The following BCL7A variants were observed in gnomAD, a reference collection of about 807,000 sequenced individuals.
BCL7A encodes the protein B-cell CLL/lymphoma 7 protein family member A.
BCL7A carries 11 observed loss-of-function variants against 28.4 expected under a neutral mutation model. That is an observed-to-expected ratio of 0.39 (90% CI 0.24 to 0.64). BCL7A has a LOEUF of 0.64. Among genes scored for constraint, BCL7A ranks in the 30% least tolerant of loss-of-function variants. The pLI, the probability that BCL7A is intolerant of heterozygous loss-of-function variation, is 0.50. For synonymous variants in BCL7A, 123 were observed against 103.3 expected (o/e 1.19, Z -1.15); for missense variants, 222 against 274.8 (o/e 0.81, Z 1.36).
chr12:122,024,816 A>G (rs1883579602), intron 1 of BCL7A, among the ~76,000 whole-genome samples: 1 of 152,198 alleles, frequency 6.6e-6, no homozygotes, highest in Non-Finnish European at 1.5e-5. Context: ...TCTGAAATGC[A>G]AATTTAACAG....
chr12:122,058,725 G>T (rs1251861166), intron 5 of BCL7A, among the ~76,000 whole-genome samples: 1 of 152,166 alleles, frequency 6.6e-6, no homozygotes. Context: ...CCCTAGCAAT[G>T]AATCATAGAT....
intron 4 of BCL7A, among the ~76,000 whole-genome samples, chr12:122,050,306 G>C (rs549966122): frequency 1.3e-3 from 71 of 56,762 alleles, no homozygotes; most frequent in South Asian, 3.4e-3. Flanking sequence ...TGTGGGGGGG[G>C]GGCCATCCTG....
intron 1 of BCL7A, among the ~76,000 whole-genome samples, chr12:122,026,953 G>T (rs1245421152): frequency 6.6e-6 from 1 of 152,210 alleles, no homozygotes; most frequent in Non-Finnish European, 1.5e-5. Context: ...TATTCCTACT[G>T]CTGGGACCTC....
rs772389192 is a variant in BCL7A, at chr12:122,043,916, A to G, written c.302A>G (p.Asp101Gly). The G allele has an allele frequency of 6.2e-7, 1 of 1,613,804 alleles. No individual in the cohort carries two copies. Among genetic ancestry groups the G allele is most frequent in the Non-Finnish European group, 8.5e-7 (1 of 1,179,976 alleles). ...AACAGCAACCAGAGCTCCATCGCAG[A>G]TGCCTCCCCCATCAAACAGGAGAAC... is the stretch of plus-strand genomic sequence containing the variant. ...DDNSNQSSIADASPIKQENSS... is the reference protein window; with the variant it reads ...DDNSNQSSIAGASPIKQENSS... The change falls in exon 4 of 6, where the codon GAT becomes GGT. Residue 101 changes from aspartate to glycine, a missense_variant. Transcript: ENST00000261822.
chr12:122,038,404 C>T (rs1042489592), intron 3 of BCL7A, among the ~76,000 whole-genome samples: 1 of 128,394 alleles, frequency 7.8e-6, no homozygotes, highest in Non-Finnish European at 1.5e-5. Context: ...TGCACTCCAG[C>T]CTGGGCAAAG....
In BCL7A at chr12:122,029,958, G is replaced by C. The variant is rs1050613046; in HGVS notation, c.93-742G>C. Among the ~76,000 whole-genome samples the C allele has an allele frequency of 1.3e-5, 2 of 152,168 alleles. No homozygotes were observed. Among genetic ancestry groups the C allele is most frequent in the African/African-American group, 4.8e-5 (2 of 41,426 alleles). On this transcript the variant is annotated intron_variant, in intron 1 of 5. Transcript: ENST00000261822. The surrounding 1 kb of genome is among the most constrained non-coding windows in gnomAD (Gnocchi z 4.3). Reference sequence around the variant, plus strand: ...TCCTGTTTGCTTCTGTGGCTTGTAAGTTTCTCCTCATCCATAAACCTGCCT... The same window carrying C: ...TCCTGTTTGCTTCTGTGGCTTGTAACTTTCTCCTCATCCATAAACCTGCCT...
At chr12:122,033,782 G>A (rs1333868910) in intron 2 of BCL7A, among the ~76,000 whole-genome samples, 10 of 152,154 alleles carry the variant, frequency 6.6e-5, no homozygotes, top group African/African-American at 2.4e-4. Context: ...ATTCAGTTCA[G>A]TTAGTGTATT....
intron 5 of BCL7A, among the ~76,000 whole-genome samples, chr12:122,056,522 C>T (rs1035711530): frequency 5.3e-5 from 8 of 152,030 alleles, no homozygotes; most frequent in Admixed American, 2.6e-4. Flanking sequence ...CGTTTTTGGC[C>T]GGGTGCAGTG....
intron 4 of BCL7A, among the ~76,000 whole-genome samples, chr12:122,050,918 G>T (rs2135857522): frequency 6.6e-6 from 1 of 152,342 alleles, no homozygotes; most frequent in South Asian, 2.1e-4. Flanking sequence ...GAGCTGCAGG[G>T]TTGCCTTGTC....
At chr12:122,026,279 A>G (rs796171591) in intron 1 of BCL7A, among the ~76,000 whole-genome samples, 17 of 151,014 alleles carry the variant, frequency 1.1e-4, no homozygotes, top group African/African-American at 2.7e-4. Flanking sequence ...AAAAAAAAAA[A>G]AAAAAAGAAA....
In BCL7A at chr12:122,057,204, G is replaced by A. The variant is rs546350869; in HGVS notation, c.562-1888G>A. Among the ~76,000 whole-genome samples the A allele has an allele frequency of 2.8e-4, 43 of 152,316 alleles. No individual in the cohort carries two copies. In the South Asian group the frequency reaches 8.7e-3, roughly 31 times the overall value. ...ACATGAAGGGGGCCCAGGCTGGGAC[G>A]GTGAGCTCTCCAGGCAGGGGCAGAC... On this transcript the variant is annotated intron_variant, in intron 5 of 5. Coordinates refer to ENST00000261822, the MANE Select transcript of BCL7A (RefSeq NM_001024808.3).
At chr12:122,039,377 C>T (rs1593028665) in intron 3 of BCL7A, among the ~76,000 whole-genome samples, 1 of 148,398 alleles carries the variant, frequency 6.7e-6, no homozygotes, top group Middle Eastern at 3.5e-3. Flanking sequence ...CCTATAGTCA[C>T]AGCTACTCTG....
chr12:122,035,515 T>TG, intron 3 of BCL7A, 88 bp downstream of exon 3: 1 of 1,272,828 alleles, frequency 7.9e-7, no homozygotes, highest in Non-Finnish European at 1.1e-6. Flanking sequence ...CCAGCAGGTT[T>TG]GTTCACATTC....
intron 3 of BCL7A, among the ~76,000 whole-genome samples, chr12:122,037,356 GA>G (rs1565937721): frequency 6.6e-6 from 1 of 152,210 alleles, no homozygotes; most frequent in East Asian, 1.9e-4. Context: ...ACTAAAAAAG[GA>G]ACTGGAAGGG....
chr12:122,021,959 A>T lies in BCL7A; in HGVS notation c.-133A>T, dbSNP rs867998546. 1.9e-3 allele frequency: 998 copies of T among 536,440 alleles called. 6 individuals are homozygous for T. The highest frequency in any genetic ancestry group is 9.7e-3 in the South Asian group (508 of 52,556). 33.2% of individuals were successfully genotyped at this position (536,440 alleles called of 1,614,324 possible). A position where few individuals can be genotyped will look rare whatever the true frequency, so the allele number is the denominator to read the frequency against. On this transcript the variant is annotated 5_prime_UTR_variant, in exon 1 of 6. An upstream open reading frame in the 5' UTR loses its in-frame stop. Coordinates refer to ENST00000261822, the MANE Select transcript of BCL7A (RefSeq NM_001024808.3). Reference sequence around the variant, plus strand: ...GTGTGTGTGTGTGTGTGTGTGTGTGAGTGTGTGCGTGTGAGAGTGCGAGTG... The same window carrying T: ...GTGTGTGTGTGTGTGTGTGTGTGTGTGTGTGTGCGTGTGAGAGTGCGAGTG...
At chr12:122,046,049 T>G (rs1593032334) in intron 4 of BCL7A, among the ~76,000 whole-genome samples, 2 of 97,456 alleles carry the variant, frequency 2.1e-5, no homozygotes, top group Non-Finnish European at 1.9e-5. Context: ...GGTAACAGGG[T>G]GAGACCTTGC....
intron 4 of BCL7A, among the ~76,000 whole-genome samples, chr12:122,045,997 G>A (rs954355801): frequency 6.8e-6 from 1 of 147,984 alleles, no homozygotes; most frequent in African/African-American, 2.5e-5. Flanking sequence ...GAACCTGAGA[G>A]GTCGAGGCTG....
intron 3 of BCL7A, among the ~76,000 whole-genome samples, chr12:122,043,253 A>G (rs78921374): frequency 2.6e-5 from 4 of 152,098 alleles, no homozygotes; most frequent in East Asian, 1.9e-4. Context: ...TGAGGCCTCA[A>G]ATGTCCCCCC....
chr12:122,051,610 C>T (rs1395042743), intron 4 of BCL7A, among the ~76,000 whole-genome samples: 4 of 152,074 alleles, frequency 2.6e-5, no homozygotes, highest in African/African-American at 4.8e-5. Flanking sequence ...AGGCCTCTGC[C>T]GGGCACCTCT....
Sources: allele counts gnomAD v4.1 joint callset (sites outside exome capture counted in the v4.1 genomes callset), GRCh38; gene constraint gnomAD v4.1.1; non-coding constraint Gnocchi (gnomAD v3.1); transcripts MANE v1.5; gene names NCBI Gene and HGNC (gene_info 2026-07-23, HGNC 2026-07-21).